TRAF2: variants seen among roughly 807,000 people sequenced by gnomAD.
The protein encoded by TRAF2 is TNF receptor-associated factor 2.
Under a neutral mutation model 55.6 loss-of-function variants are expected in TRAF2, and 6 were observed. The ratio of observed to expected loss-of-function variants is 0.11; its 90% confidence interval spans 0.06 to 0.21. The LOEUF (loss-of-function observed/expected upper bound fraction) is 0.21, where lower values mean the gene tolerates loss of function less well. Ranked by LOEUF, TRAF2 falls within the 10% of genes least tolerant of loss-of-function variation. The probability of loss-of-function intolerance (pLI) is 1.00; values close to 1 mark genes in which losing one functional copy is unlikely to be tolerated. For synonymous variants in TRAF2, 329 were observed against 276.3 expected, an observed-to-expected ratio of 1.19 and a Z score of -1.89; for missense variants, 561 against 684.5, an observed-to-expected ratio of 0.82 and a Z score of 2.01.
chr9:136,918,250 TATATATATTTATTTAA>T (rs547025072), intron 7 of TRAF2, among the ~76,000 whole-genome samples: 8,550 of 60,460 alleles, frequency 0.14, 385 homozygotes, highest in Non-Finnish European at 0.17. Flanking sequence ...TATATATATA[TATATATATTTATTTAA>T]TTAATTAATT....
At chr9:136,900,582 C>T (rs1455359034) in intron 4 of TRAF2, 62 bp downstream of exon 4, 1 of 1,370,534 alleles carries the variant, frequency 7.3e-7, no homozygotes, top group Non-Finnish European at 1.0e-6. Context: ...CGTCCACGCT[C>T]CCCAAGCAGT....
In TRAF2 at chr9:136,891,621, G is replaced by A. The variant is rs953588822; in HGVS notation, c.-29+5080G>A. Among the ~76,000 whole-genome samples the A allele has an allele frequency of 5.9e-5, 9 of 151,984 alleles. No individual in the cohort carries two copies. In the South Asian group the frequency reaches 6.2e-4, roughly 10 times the overall value. On this transcript the variant is annotated intron_variant, in intron 1 of 10. Coordinates refer to ENST00000247668, the MANE Select transcript of TRAF2 (RefSeq NM_021138.4). ...CACCTCTGTCTCCACCTTCAAGAGC[G>A]CATTTAGGAGGAATGTCGATATGAA... is the stretch of plus-strand genomic sequence containing the variant.
intron 4 of TRAF2, chr9:136,900,768 C>G (rs1356782230): frequency 4.2e-6 from 2 of 474,228 alleles, no homozygotes; most frequent in Non-Finnish European, 8.0e-6. Flanking sequence ...TTTACCCTCT[C>G]TGTGCCTCAG....
At chr9:136,924,873 G>A (rs1850484978) in intron 10 of TRAF2, among the ~76,000 whole-genome samples, 1 of 152,010 alleles carries the variant, frequency 6.6e-6, no homozygotes, top group African/African-American at 2.4e-5. Context: ...TGAGTAGCTG[G>A]GACTACAGGC....
chr9:136,896,881 T>C (rs1417230274), intron 1 of TRAF2, among the ~76,000 whole-genome samples: 1 of 152,224 alleles, frequency 6.6e-6, no homozygotes, highest in African/African-American at 2.4e-5. Flanking sequence ...GTGCTGAGAT[T>C]ACAGGCGTGA....
At chr9:136,905,324 G>C (rs1467386600) in intron 4 of TRAF2, among the ~76,000 whole-genome samples, 1 of 152,196 alleles carries the variant, frequency 6.6e-6, no homozygotes, top group Non-Finnish European at 1.5e-5. Context: ...TCAAAACTTA[G>C]TGTTGTGCTC....
At chr9:136,894,448 G>T (rs565353230) in intron 1 of TRAF2, among the ~76,000 whole-genome samples, 2 of 152,180 alleles carry the variant, frequency 1.3e-5, no homozygotes, top group Non-Finnish European at 2.9e-5. Context: ...AAGGCTGCTG[G>T]GCCTTGTCCT....
Position 136,898,766 on chromosome 9 carries a change from C to T in TRAF2, c.26C>T (p.Pro9Leu), listed in dbSNP as rs532828294. The T allele has an allele frequency of 5.6e-6, 9 of 1,613,684 alleles. No homozygotes were observed. The highest frequency in any genetic ancestry group is 4.4e-5 in the South Asian group (4 of 91,088). MAAASVTP[P>L]GSLELLQPGF... ...ATGGCTGCAGCTAGCGTGACCCCCC[C>T]TGGCTCCCTGGAGTTGCTACAGCCC... The change falls in exon 2 of 11, where the codon CCT becomes CTT. Residue 9 changes from proline to leucine, a missense_variant. Transcript: ENST00000247668.
intron 9 of TRAF2, 65 bp from the exon 10 acceptor site, chr9:136,923,787 C>CAGGAAG: frequency 6.4e-7 from 1 of 1,553,692 alleles, no homozygotes; most frequent in East Asian, 2.3e-5. Flanking sequence ...GGCAGCCAGG[C>CAGGAAG]AGGAAGAGCC....
At chr9:136,912,993 TGTG>T (rs1032797542) in intron 6 of TRAF2, among the ~76,000 whole-genome samples, 1 of 152,086 alleles carries the variant, frequency 6.6e-6, no homozygotes, top group Non-Finnish European at 1.5e-5. Flanking sequence ...ATTAGCCAGG[TGTG>T]GTGGCACAGG....
At chr9:136,909,310 T>C (rs537018710) in intron 5 of TRAF2, among the ~76,000 whole-genome samples, 1 of 150,842 alleles carries the variant, frequency 6.6e-6, no homozygotes, top group East Asian at 2.0e-4. Flanking sequence ...TTGTCTGTCT[T>C]TGCCTTGGTG....
intron 7 of TRAF2, among the ~76,000 whole-genome samples, chr9:136,918,248 TATATATA>T (rs1564419432): frequency 8.5e-5 from 4 of 46,864 alleles, no homozygotes; most frequent in African/African-American, 4.9e-4. Flanking sequence ...TATATATATA[TATATATA>T]TATTTATTTA....
intron 2 of TRAF2, 143 bp from the exon 3 acceptor site, chr9:136,899,451 A>C (rs1248172731): frequency 3.4e-5 from 22 of 646,704 alleles, no homozygotes; most frequent in Non-Finnish European, 4.8e-5. Context: ...ATGTCCTGTT[A>C]ACATTTGCCT....
intron 1 of TRAF2, among the ~76,000 whole-genome samples, chr9:136,893,144 C>G (rs1849614844): frequency 6.6e-6 from 1 of 152,214 alleles, no homozygotes; most frequent in African/African-American, 2.4e-5. Context: ...CCACATAGCT[C>G]TGCCGCCCAC....
At chr9:136,919,042 A>ATATTTATTTATT (rs57654341) in intron 7 of TRAF2, among the ~76,000 whole-genome samples, 18,214 of 138,218 alleles carry the variant, frequency 0.13, 1,465 homozygotes, top group East Asian at 0.21. Flanking sequence ...GCCTATTTTA[A>ATATTTATTTATT]TATTTATTTA....
chr9:136,920,388 A>C lies in TRAF2; in HGVS notation c.833A>C (p.Lys278Thr), dbSNP rs146501200. Residue 278 changes from lysine to threonine, a missense_variant, in exon 8 of 11, where the codon AAG (lysine) becomes ACG (threonine). Lys to Thr is a moderately conservative substitution (Grantham distance 78). Around this residue, in one of 2 missense-constraint regions of TRAF2, gnomAD observed 426 missense variants for 476.8 expected, o/e 0.89. Transcript: ENST00000247668. The part of the protein sequence containing the change: ...LLQRCESLEK[K>T]TATFENIVCV... Reference sequence around the variant, plus strand: ...CAGAGGTGCGAGAGCCTGGAGAAGAAGACGGCCACTTTTGAGAACATTGTC... The same window carrying C: ...CAGAGGTGCGAGAGCCTGGAGAAGACGACGGCCACTTTTGAGAACATTGTC... 38 of 1,614,050 alleles carry C rather than the reference A, an allele frequency of 2.4e-5. No individual in the cohort carries two copies. The highest frequency in any genetic ancestry group is 1.6e-4 in the Middle Eastern group (1 of 6,084).
intron 5 of TRAF2, among the ~76,000 whole-genome samples, chr9:136,908,548 C>T (rs1178222614): frequency 6.6e-6 from 1 of 151,786 alleles, no homozygotes; most frequent in Non-Finnish European, 1.5e-5. Flanking sequence ...TGGTGAAACC[C>T]CGTCTCTACT....
At chr9:136,902,336 G>A (rs1032699082) in intron 4 of TRAF2, 3 of 152,578 alleles carry the variant, frequency 2.0e-5, no homozygotes. Flanking sequence ...TGGCTGCAGG[G>A]AGTAGGGGTG....
chr9:136,885,421 G>A (rs986579879), upstream of TRAF2, among the ~76,000 whole-genome samples: 1 of 152,086 alleles, frequency 6.6e-6, no homozygotes, highest in African/African-American at 2.4e-5. Flanking sequence ...TGCAGCTCCC[G>A]TTCTCCTGGG....
Sources: allele counts gnomAD v4.1 joint callset (sites outside exome capture counted in the v4.1 genomes callset), GRCh38; gene constraint gnomAD v4.1.1; regional missense constraint gnomAD v4.1.1; transcripts MANE v1.5; gene names NCBI Gene and HGNC (gene_info 2026-07-23, HGNC 2026-07-21).